EPRS1: variants seen among roughly 807,000 people sequenced by gnomAD.
EPRS1 encodes the protein bifunctional glutamate/proline--tRNA ligase.
Under a neutral mutation model 188.3 loss-of-function variants are expected in EPRS1, and 107 were observed. That is an observed-to-expected ratio of 0.57 (90% CI 0.49 to 0.67). The LOEUF is 0.67. Among genes scored for constraint, EPRS1 ranks in the 30% least tolerant of loss-of-function variants. EPRS1 has a pLI of 0.00. For synonymous variants in EPRS1, 596 were observed against 593.1 expected, an observed-to-expected ratio of 1.00 and a Z score of -0.07; for missense variants, 1,577 against 1,802.2, an observed-to-expected ratio of 0.88 and a Z score of 2.26.
chr1:219,995,882 C>A (rs897691795), intron 18 of EPRS1, among the ~76,000 whole-genome samples: 3 of 152,068 alleles, frequency 2.0e-5, no homozygotes, highest in Admixed American at 2.0e-4. Flanking sequence ...AGCCTAGGAC[C>A]CTGACAGGAC....
intron 28 of EPRS1, among the ~76,000 whole-genome samples, chr1:219,975,791 A>T (rs1660764928): frequency 6.6e-6 from 1 of 152,118 alleles, no homozygotes; most frequent in Non-Finnish European, 1.5e-5. Flanking sequence ...CTTGGTTTTC[A>T]ACATACATAA....
chr1:220,046,062 T>C (rs535974589), intron 1 of EPRS1, among the ~76,000 whole-genome samples: 3 of 152,190 alleles, frequency 2.0e-5, no homozygotes, highest in Non-Finnish European at 2.9e-5. Context: ...TTCATCCCTC[T>C]GAGAAAAAGA....
At chr1:220,009,146 C>G (rs1041698844) in intron 13 of EPRS1, among the ~76,000 whole-genome samples, 1 of 152,104 alleles carries the variant, frequency 6.6e-6, no homozygotes, top group African/African-American at 2.4e-5. Context: ...TCAAAACAAT[C>G]AGATATAAAG....
chr1:220,033,517 A>C lies in EPRS1; in HGVS notation c.373T>G (p.Trp125Gly). The change falls in exon 4 of 32, where the codon TGG becomes GGG. Residue 125 changes from tryptophan (W) to glycine (G), a missense_variant. Trp to Gly is a radical substitution (Grantham distance 184). Around this residue, in one of 3 missense-constraint regions of EPRS1, gnomAD observed 1,278 missense variants for 1,457.4 expected, o/e 0.88. Coordinates refer to ENST00000366923, the MANE Select transcript of EPRS1 (RefSeq NM_004446.3). ...TTATTGATACCTTTTAGGGTGGCCCAAACACATAAATCTGCTAAACTCAAG... is the reference window on the plus strand; with the variant it reads ...TTATTGATACCTTTTAGGGTGGCCCCAACACATAAATCTGCTAAACTCAAG... ...NSLSLADLCV[W>G]ATLKGNAAWQ... The C allele has an allele frequency of 6.2e-7, 1 of 1,610,008 alleles. No individual in the cohort carries two copies. The highest frequency in any genetic ancestry group is 8.5e-7 in the Non-Finnish European group (1 of 1,178,178).
intron 16 of EPRS1, among the ~76,000 whole-genome samples, chr1:220,002,348 AGAAAAAAAATTGACAGTCCTT>A (rs1444635576): frequency 6.6e-6 from 1 of 151,154 alleles, no homozygotes; most frequent in Non-Finnish European, 1.5e-5. Flanking sequence ...AAAAAAAAAA[AGAAAAAAAATTGACAGTCCTT>A]ATTACAAACT....
intron 29 of EPRS1, among the ~76,000 whole-genome samples, chr1:219,972,395 C>T (rs965584968): frequency 4.6e-5 from 7 of 152,154 alleles, no homozygotes; most frequent in African/African-American, 1.4e-4. Context: ...TTTGTTACTG[C>T]TGTTAAATCT....
At chr1:219,969,789 T>C (rs1185080736) in intron 30 of EPRS1, among the ~76,000 whole-genome samples, 2 of 152,162 alleles carry the variant, frequency 1.3e-5, no homozygotes, top group Non-Finnish European at 2.9e-5. Flanking sequence ...TTTCTTTTAA[T>C]AAATTGTGGA....
At position 220,032,391 on chromosome 1, in the gene EPRS1, C is replaced by A. The variant is rs751461697; in HGVS notation, c.524G>T (p.Arg175Leu). The A allele has an allele frequency of 3.1e-6, 5 of 1,592,892 alleles. No homozygotes were observed. In the South Asian group the frequency reaches 3.5e-5, roughly 11 times the overall value. Residue 175 changes from arginine to leucine, a missense_variant, in exon 5 of 32, where the codon CGA (arginine) becomes CTA (leucine). Arg to Leu is a moderately radical substitution (Grantham distance 102). Around this residue, in one of 3 missense-constraint regions of EPRS1, gnomAD observed 1,278 missense variants for 1,457.4 expected, o/e 0.88. Coordinates refer to ENST00000366923, the MANE Select transcript of EPRS1 (RefSeq NM_004446.3). The part of the protein sequence containing the change: ...TKWDVSTTKA[R>L]VAPEKKQDVG... Reference sequence around the variant, plus strand: ...AAAAAAGAAAAAAAGGCTTACCACTCGAGCTTTGGTTGTTGAAACATCCCA... The same window carrying A: ...AAAAAAGAAAAAAAGGCTTACCACTAGAGCTTTGGTTGTTGAAACATCCCA...
At chr1:220,027,547 G>T (rs1430968717) in intron 6 of EPRS1, among the ~76,000 whole-genome samples, 1 of 124,624 alleles carries the variant, frequency 8.0e-6, no homozygotes, top group South Asian at 2.6e-4. Context: ...AGCCAAGATC[G>T]CGCCACTGCA....
At chr1:219,994,013 C>A (rs1055159594) in intron 18 of EPRS1, among the ~76,000 whole-genome samples, 2 of 152,110 alleles carry the variant, frequency 1.3e-5, no homozygotes, top group Admixed American at 1.3e-4. Flanking sequence ...AGAGAAGAAA[C>A]ATTTACTACT....
chr1:220,016,732 G>GA (rs1553253092), intron 12 of EPRS1, among the ~76,000 whole-genome samples: 1 of 58,530 alleles, frequency 1.7e-5, no homozygotes, highest in African/African-American at 9.9e-5. Context: ...TTTTTTAACA[G>GA]AAAAACAAAA....
chr1:220,007,409 A>AT, intron 13 of EPRS1, 71 bp from the exon 14 acceptor site: 1 of 1,433,962 alleles, frequency 7.0e-7, no homozygotes, highest in Non-Finnish European at 9.6e-7. Context: ...AAATTTATAC[A>AT]TTCATTCTAT....
At chr1:219,984,119 G>C in intron 21 of EPRS1, 87 bp downstream of exon 21, 2 of 876,582 alleles carry the variant, frequency 2.3e-6, no homozygotes, top group Non-Finnish European at 3.9e-6. Flanking sequence ...TATTACTATT[G>C]CCTTTGTGCC....
chr1:220,002,092 G>A (rs925128961), intron 16 of EPRS1, among the ~76,000 whole-genome samples: 17 of 152,014 alleles, frequency 1.1e-4, no homozygotes, highest in African/African-American at 4.1e-4. Flanking sequence ...CACTTTGGGA[G>A]GCCAAGGCAG....
chr1:219,971,523 A>G (rs1660663479), intron 30 of EPRS1, among the ~76,000 whole-genome samples: 1 of 152,064 alleles, frequency 6.6e-6, no homozygotes, highest in African/African-American at 2.4e-5. Flanking sequence ...GGGAATGGAA[A>G]GAAACTGACT....
At chr1:220,018,061 CT>C (rs1661757351) in intron 12 of EPRS1, 1 of 926,068 alleles carries the variant, frequency 1.1e-6, no homozygotes, top group Non-Finnish European at 1.5e-6. Context: ...CATATAACAT[CT>C]CAGGTTTTAA....
Position 219,980,071 on chromosome 1 carries a change from T to C in EPRS1, c.3711+14A>G. ...CTTACAGTGACCTACGAATCCTGTG[T>C]GGCAGTTTGATACCTGGATAGCTCT... is the stretch of plus-strand genomic sequence containing the variant. On this transcript the variant is annotated intron_variant, in intron 26 of 31. Coordinates refer to ENST00000366923, the MANE Select transcript of EPRS1 (RefSeq NM_004446.3). 1 of 1,611,958 alleles carries C rather than the reference T, an allele frequency of 6.2e-7. No homozygotes were observed. The highest frequency in any genetic ancestry group is 8.5e-7 in the Non-Finnish European group (1 of 1,178,546).
intron 13 of EPRS1, among the ~76,000 whole-genome samples, chr1:220,010,083 G>T (rs1049710145): frequency 2.1e-5 from 2 of 96,978 alleles, no homozygotes; most frequent in Non-Finnish European, 3.8e-5. Flanking sequence ...GCCACAAAGC[G>T]CAACTGTCTC....
At chr1:220,031,354 A>G (rs2102595646) in intron 5 of EPRS1, among the ~76,000 whole-genome samples, 1 of 152,326 alleles carries the variant, frequency 6.6e-6, no homozygotes, top group African/African-American at 2.4e-5. Flanking sequence ...GATACCCTGA[A>G]CTAGAGAAAG....
Sources: gnomAD v4.1 joint callset for allele counts (sites outside exome capture counted in the v4.1 genomes callset) on GRCh38, gnomAD v4.1.1 for gene constraint, gnomAD v4.1.1 regional missense constraint, MANE v1.5 for transcripts, NCBI Gene and HGNC (gene_info 2026-07-23, HGNC 2026-07-21) for gene names.